The following PHF21A variants were observed in gnomAD, a reference collection of about 807,000 sequenced individuals.
The protein encoded by PHF21A is BHC80a.
Under a neutral mutation model 82.5 loss-of-function variants are expected in PHF21A, and 11 were observed. The observed-to-expected ratio is 0.13, with a 90% CI of 0.08 to 0.22. PHF21A has a LOEUF of 0.22. PHF21A is among the 10% of genes least tolerant of loss of function. The pLI, the probability that PHF21A is intolerant of heterozygous loss-of-function variation, is 1.00. For synonymous variants in PHF21A, 297 were observed against 302.8 expected (o/e 0.98, Z 0.20); for missense variants, 579 against 837.8 (o/e 0.69, Z 3.81).
intron 6 of PHF21A, among the ~76,000 whole-genome samples, chr11:46,054,425 AACAACTTTAAAATCC>A (rs1331958904): frequency 1.3e-5 from 2 of 152,204 alleles, no homozygotes; most frequent in Admixed American, 6.6e-5. Flanking sequence ...GGCAATATCA[AACAACTTTAAAATCC>A]ACTTACCTAC....
At chr11:46,054,811 T>A (rs1279329810) in intron 6 of PHF21A, among the ~76,000 whole-genome samples, 2 of 152,194 alleles carry the variant, frequency 1.3e-5, no homozygotes, top group Admixed American at 6.6e-5. Context: ...ACTGAATGAA[T>A]TAAATGTTGA....
intron 10 of PHF21A, among the ~76,000 whole-genome samples, chr11:45,963,420 C>CAA (rs35389845): frequency 2.2e-5 from 2 of 89,944 alleles, no homozygotes; most frequent in African/African-American, 3.9e-5. Flanking sequence ...AACTCTGTGT[C>CAA]AAAAAAAAAA....
intron 1 of PHF21A, among the ~76,000 whole-genome samples, chr11:46,097,040 T>C (rs551221238): frequency 6.6e-6 from 1 of 152,230 alleles, no homozygotes; most frequent in South Asian, 2.1e-4. Context: ...CATGTGCCTC[T>C]ACCTTCAAAA....
chr11:46,064,538 A>G (rs887793397), intron 6 of PHF21A, among the ~76,000 whole-genome samples: 1 of 152,198 alleles, frequency 6.6e-6, no homozygotes, highest in African/African-American at 2.4e-5. Context: ...TTCTGAAAAC[A>G]TAATTTTGCA....
intron 6 of PHF21A, among the ~76,000 whole-genome samples, chr11:45,996,946 T>C (rs1475266536): frequency 6.6e-6 from 1 of 152,234 alleles, no homozygotes; most frequent in Non-Finnish European, 1.5e-5. Flanking sequence ...TGTTAGTCTA[T>C]GGTACAGTGA....
intron 1 of PHF21A, among the ~76,000 whole-genome samples, chr11:46,099,366 T>C (rs975908244): frequency 6.6e-6 from 1 of 152,094 alleles, no homozygotes; most frequent in Admixed American, 6.6e-5. Flanking sequence ...TCCAGATAAA[T>C]GGACAGTGAT....
At chr11:45,999,667 A>G (rs2095049191) in intron 6 of PHF21A, among the ~76,000 whole-genome samples, 1 of 152,254 alleles carries the variant, frequency 6.6e-6, no homozygotes, top group African/African-American at 2.4e-5. Flanking sequence ...AACAATGTCA[A>G]TAACATGCAG....
chr11:45,990,982 T>C (rs2094680251), intron 6 of PHF21A, among the ~76,000 whole-genome samples: 1 of 152,332 alleles, frequency 6.6e-6, no homozygotes, highest in Admixed American at 6.5e-5. Flanking sequence ...GCCACCATTA[T>C]ACTATCACAC....
intron 6 of PHF21A, among the ~76,000 whole-genome samples, chr11:46,056,633 C>G (rs1048625389): frequency 6.6e-6 from 1 of 152,024 alleles, no homozygotes. Flanking sequence ...TTTTATTACC[C>G]ATGAAACACT....
chr11:46,074,471 G>A (rs2096701412), intron 6 of PHF21A, among the ~76,000 whole-genome samples: 1 of 151,366 alleles, frequency 6.6e-6, no homozygotes, highest in Non-Finnish European at 1.5e-5. Flanking sequence ...GAGGGGGGAA[G>A]GCATATAGCA....
intron 1 of PHF21A, among the ~76,000 whole-genome samples, chr11:46,112,429 C>T (rs1007313777): frequency 2.0e-5 from 3 of 152,072 alleles, no homozygotes; most frequent in Non-Finnish European, 4.4e-5. Flanking sequence ...GTGCTAGGTA[C>T]GGTCATAGAT....
chr11:46,086,365 C>A (rs967439793), intron 3 of PHF21A, among the ~76,000 whole-genome samples: 1 of 152,156 alleles, frequency 6.6e-6, no homozygotes, highest in Non-Finnish European at 1.5e-5. Context: ...GTGATCCGCC[C>A]GTCCTGGCCT....
intron 7 of PHF21A, among the ~76,000 whole-genome samples, chr11:45,976,507 T>G (rs1323958850): frequency 6.6e-6 from 1 of 152,228 alleles, no homozygotes. Context: ...CACTGCTCTT[T>G]GTATACCAGA....
intron 10 of PHF21A, among the ~76,000 whole-genome samples, chr11:45,957,273 A>G (rs531694581): frequency 6.6e-6 from 1 of 152,312 alleles, no homozygotes; most frequent in Admixed American, 6.5e-5. Context: ...ACAACACTAT[A>G]CACCAATTAG....
intron 1 of PHF21A, among the ~76,000 whole-genome samples, chr11:46,096,162 G>T (rs1187055170): frequency 2.0e-5 from 3 of 151,770 alleles, no homozygotes; most frequent in Admixed American, 2.0e-4. Flanking sequence ...CATCCCTCTT[G>T]TACCCACCTC....
In PHF21A at chr11:45,930,991, G is replaced by C. The variant is rs1429725178; in HGVS notation, c.*2977C>G. ...GGGGCCTCTTCTTTACAGTAAAGCA[G>C]TGTTTTGGAATTTGAGTGCAGAATG... On this transcript the variant is annotated 3_prime_UTR_variant, in exon 19 of 19. Coordinates refer to ENST00000676320, the MANE Select transcript of PHF21A (RefSeq NM_001352027.3). The C allele has an allele frequency of 6.8e-6, 1 of 146,026 alleles. No individual in the cohort carries two copies. Among genetic ancestry groups the C allele is most frequent in the African/African-American group, 2.5e-5 (1 of 39,930 alleles). The allele number at this position is 146,026 out of a possible 1,614,324, so 9.0% of individuals were successfully genotyped here.
intron 6 of PHF21A, among the ~76,000 whole-genome samples, chr11:45,982,473 T>C (rs1447409516): frequency 6.6e-6 from 1 of 152,152 alleles, no homozygotes; most frequent in African/African-American, 2.4e-5. Flanking sequence ...AAATATCAAA[T>C]GCTTATAAAG....
At chr11:45,971,774 T>C (rs2093760177) in intron 7 of PHF21A, among the ~76,000 whole-genome samples, 1 of 152,072 alleles carries the variant, frequency 6.6e-6, no homozygotes. Flanking sequence ...GAGGTACATG[T>C]CATTTCTATC....
chr11:46,062,449 C>CT (rs200196294), intron 6 of PHF21A, among the ~76,000 whole-genome samples: 9 of 151,236 alleles, frequency 6.0e-5, no homozygotes, highest in African/African-American at 1.2e-4. Flanking sequence ...GTTTTCCAAC[C>CT]TTTTTTTTTA....
Sources: allele counts gnomAD v4.1 joint callset (sites outside exome capture counted in the v4.1 genomes callset), GRCh38; gene constraint gnomAD v4.1.1; transcripts MANE v1.5; gene names NCBI Gene and HGNC (gene_info 2026-07-23, HGNC 2026-07-21).